Variants in ZNF846 observed in about 807,000 individuals in gnomAD.
The protein encoded by ZNF846 is zinc finger protein 420 pseudogene.
Under a neutral mutation model 16.0 loss-of-function variants are expected in ZNF846, and 15 were observed. The observed-to-expected ratio is 0.94, with a 90% CI of 0.63 to 1.45. ZNF846 has a LOEUF of 1.45. Among genes scored for constraint, ZNF846 ranks in the 40% most tolerant of loss-of-function variants. The pLI, the probability that ZNF846 is intolerant of heterozygous loss-of-function variation, is 0.00. For missense variants in ZNF846, 714 were observed against 622.3 expected (o/e 1.15, Z -1.57); for synonymous variants, 229 against 212.0 (o/e 1.08, Z -0.70).
downstream of ZNF846, among the ~76,000 whole-genome samples, chr19:9,754,313 C>T (rs540964251): frequency 5.3e-5 from 8 of 151,518 alleles, no homozygotes; most frequent in African/African-American, 2.0e-4. Context: ...GCCTGTAATC[C>T]TAGCACTTTG....
chr19:9,750,610 T>C (rs1233852735), downstream of ZNF846, among the ~76,000 whole-genome samples: 1 of 152,192 alleles, frequency 6.6e-6, no homozygotes, highest in Non-Finnish European at 1.5e-5. Flanking sequence ...AGTTTGCAAA[T>C]GGGAACGAAC....
At chr19:9,753,832 T>C (rs562749469), downstream of ZNF846, among the ~76,000 whole-genome samples, 1 of 151,884 alleles carries the variant, frequency 6.6e-6, no homozygotes, top group Non-Finnish European at 1.5e-5. Context: ...ACACATGGTT[T>C]CTCCTGGAAA....
intron 1 of ZNF846, among the ~76,000 whole-genome samples, chr19:9,784,608 C>T (rs2045539502): frequency 6.6e-6 from 1 of 152,142 alleles, no homozygotes; most frequent in African/African-American, 2.4e-5. Flanking sequence ...CTCCTCAGCA[C>T]AGACCCTTTA....
At chr19:9,781,451 C>G (rs2045500428) in intron 1 of ZNF846, among the ~76,000 whole-genome samples, 1 of 152,102 alleles carries the variant, frequency 6.6e-6, no homozygotes, top group Non-Finnish European at 1.5e-5. Flanking sequence ...TCTTATCCCT[C>G]CCCTCCCAGC....
chr19:9,758,747 T>G (rs2045175931), exon 6 of ZNF846: 1 of 1,574,744 alleles, frequency 6.4e-7, no homozygotes, highest in Non-Finnish European at 8.6e-7. Flanking sequence ...ACAGTTTCTC[T>G]GCAGTATTGC....
downstream of ZNF846, among the ~76,000 whole-genome samples, chr19:9,749,755 G>A (rs1244529400): frequency 6.6e-6 from 1 of 151,668 alleles, no homozygotes; most frequent in Admixed American, 6.6e-5. Flanking sequence ...CGCTCTACAG[G>A]CTGACTGAGC....
chr19:9,768,778 C>CGGCATTAAGTGTAGGGGCCG (rs2145272765), upstream of ZNF846: 1 of 152,442 alleles, frequency 6.6e-6, no homozygotes, highest in African/African-American at 2.4e-5. Flanking sequence ...CGGTTGCGCA[C>CGGCATTAAGTGTAGGGGCCG]GGCATTAAGT....
At chr19:9,774,674 G>C in intron 1 of ZNF846, 1 of 1,474,218 alleles carries the variant, frequency 6.8e-7, no homozygotes, top group Non-Finnish European at 9.5e-7. Context: ...CTTTCCAGCA[G>C]AGTATCCATT....
upstream of ZNF846, among the ~76,000 whole-genome samples, chr19:9,771,080 T>G (rs556494935): frequency 2.8e-4 from 42 of 152,232 alleles, no homozygotes; most frequent in African/African-American, 9.9e-4. Context: ...CAGTGTACAA[T>G]GTACCCAATG....
chr19:9,777,121 A>G (rs549198264), intron 1 of ZNF846, among the ~76,000 whole-genome samples: 1 of 151,132 alleles, frequency 6.6e-6, no homozygotes, highest in East Asian at 1.9e-4. Context: ...AAAAAGAAGA[A>G]GAAGAACGAA....
At position 9,758,771 on chromosome 19, in the gene ZNF846, A is replaced by C. The variant is rs1239141995; in HGVS notation, c.313-7T>G. ...CTGCAGTATTGCTTCTCTCCTGTTG[A>C]GATATAAAAGATGAATAAAGAATTT... On this transcript the variant is annotated splice_polypyrimidine_tract_variant and splice_region_variant and intron_variant, in intron 5 of 5. Transcript: ENST00000397902. 2 of 1,528,648 alleles carry C rather than the reference A, an allele frequency of 1.3e-6. No homozygotes were observed. Among genetic ancestry groups the C allele is most frequent in the Non-Finnish European group, 1.8e-6 (2 of 1,140,490 alleles). 94.7% of individuals were successfully genotyped at this position (1,528,648 alleles called of 1,614,324 possible).
intron 1 of ZNF846, among the ~76,000 whole-genome samples, chr19:9,776,596 A>T (rs2045445872): frequency 6.6e-6 from 1 of 152,184 alleles, no homozygotes; most frequent in African/African-American, 2.4e-5. Context: ...TATCCAGTAA[A>T]TAACAGCGCA....
At chr19:9,759,434 C>T (rs143471563) in intron 5 of ZNF846, among the ~76,000 whole-genome samples, 3,769 of 151,176 alleles carry the variant, frequency 0.025, 284 homozygotes, top group African/African-American at 0.087. Flanking sequence ...GAAACCCCAT[C>T]TCTACAAAAA....
rs1163379889 is a variant in ZNF846 at position 9,764,930 on chromosome 19, A to G, written c.15+6T>C. The G allele has an allele frequency of 1.2e-6, 2 of 1,614,024 alleles. No individual in the cohort carries two copies. The highest frequency in any genetic ancestry group is 1.7e-6 in the Non-Finnish European group (2 of 1,180,008). On this transcript the variant is annotated splice_donor_region_variant and intron_variant, in intron 2 of 5. Transcript: ENST00000397902. ...CATTTTGAAGTTAGGTCTGCTTTCCACTTGCCTGAGAAGAATCCATCAGTA... is the reference window on the plus strand; with the variant it reads ...CATTTTGAAGTTAGGTCTGCTTTCCGCTTGCCTGAGAAGAATCCATCAGTA...
chr19:9,755,929 C>CCAGCATATTCTCATATTTTCACATTCATA, downstream of ZNF846, among the ~76,000 whole-genome samples: 1 of 136,764 alleles, frequency 7.3e-6, no homozygotes, highest in African/African-American at 2.7e-5. Context: ...CAACCTCTGT[C>CCAGCATATTCTCATATTTTCACATTCATA]TCCTGGGTTC....
chr19:9,769,486 C>A (rs957773802), upstream of ZNF846, among the ~76,000 whole-genome samples: 3 of 152,140 alleles, frequency 2.0e-5, no homozygotes, highest in African/African-American at 7.2e-5. Flanking sequence ...CCACCTTGGC[C>A]TCCCAAAGTG....
At chr19:9,782,424 C>T (rs147170470) in intron 1 of ZNF846, among the ~76,000 whole-genome samples, 28 of 152,192 alleles carry the variant, frequency 1.8e-4, no homozygotes, top group African/African-American at 6.7e-4. Context: ...ACCACCACAC[C>T]TAATTTTTAA....
intron 1 of ZNF846, among the ~76,000 whole-genome samples, chr19:9,776,097 C>T (rs1209507328): frequency 6.6e-6 from 1 of 152,178 alleles, no homozygotes; most frequent in Non-Finnish European, 1.5e-5. Flanking sequence ...GTAATGCCAG[C>T]GTCTGGGAAG....
At chr19:9,757,640 T>C in exon 6 of ZNF846, 4 of 1,613,586 alleles carry the variant, frequency 2.5e-6, no homozygotes, top group South Asian at 2.2e-5. Flanking sequence ...ATTCTTTACA[T>C]GCATAAGGCT....
Sources: gnomAD v4.1 joint callset for allele counts (sites outside exome capture counted in the v4.1 genomes callset) on GRCh38, gnomAD v4.1.1 for gene constraint, MANE v1.5 for transcripts, NCBI Gene and HGNC (gene_info 2026-07-23, HGNC 2026-07-21) for gene names.